The following DPP10 variants were observed in gnomAD, a reference collection of about 807,000 sequenced individuals.
DPP10 encodes inactive dipeptidyl peptidase 10.
DPP10 carries 33 observed loss-of-function variants against 120.9 expected under a neutral mutation model. That is an observed-to-expected ratio of 0.27 (90% CI 0.21 to 0.37). The LOEUF is 0.37. DPP10 is among the 10% of genes least tolerant of loss of function. DPP10 has a pLI of 1.00. For synonymous variants in DPP10, 337 were observed against 326.1 expected, an observed-to-expected ratio of 1.03 and a Z score of -0.36; for missense variants, 816 against 942.8, an observed-to-expected ratio of 0.87 and a Z score of 1.76.
intron 1 of DPP10, among the ~76,000 whole-genome samples, chr2:114,606,704 A>C (rs949872168): frequency 1.3e-5 from 2 of 152,162 alleles, no homozygotes; most frequent in Non-Finnish European, 2.9e-5. Flanking sequence ...TGGGAAGCTT[A>C]GTATCTCACA....
rs115602799 is a variant in DPP10 at position 115,736,620 on chromosome 2, T to C, written c.698-3119T>C. Reference sequence around the variant, plus strand: ...GTGATGACAAAATGCTACACTGTCTTGATGGAAAGGTTTTCATATAATTCA... The same window carrying C: ...GTGATGACAAAATGCTACACTGTCTCGATGGAAAGGTTTTCATATAATTCA... On this transcript the variant is annotated intron_variant, in intron 8 of 25. Transcript: ENST00000410059. 3.6e-3 allele frequency among the ~76,000 whole-genome samples: 546 copies of C among 152,258 alleles called. 2 individuals are homozygous for C. The highest frequency in any genetic ancestry group is 0.01 in the African/African-American group (434 of 41,554).
chr2:114,564,056 C>T (rs138000338), intron 1 of DPP10, among the ~76,000 whole-genome samples: 159 of 152,228 alleles, frequency 1.0e-3, no homozygotes, highest in African/African-American at 3.7e-3. Context: ...TTCCAGCAAT[C>T]GATTCCTTTG....
At chr2:114,695,683 C>T (rs550238400) in intron 1 of DPP10, among the ~76,000 whole-genome samples, 2 of 152,084 alleles carry the variant, frequency 1.3e-5, no homozygotes, top group East Asian at 1.9e-4. Context: ...TTATTCTTAA[C>T]AGCATTTCTC....
chr2:115,286,647 G>A (rs1233617954), intron 1 of DPP10, among the ~76,000 whole-genome samples: 11 of 147,832 alleles, frequency 7.4e-5, no homozygotes, highest in African/African-American at 2.5e-4. Flanking sequence ...GTCGAGGAAG[G>A]AGGTAAGGGT....
At chr2:114,594,455 T>C (rs1691731388) in intron 1 of DPP10, among the ~76,000 whole-genome samples, 2 of 148,092 alleles carry the variant, frequency 1.4e-5, no homozygotes, top group South Asian at 4.2e-4. Context: ...TGTGAACACA[T>C]ACATATGTAA....
chr2:114,667,525 C>T (rs1464848679), intron 1 of DPP10, among the ~76,000 whole-genome samples: 1 of 152,082 alleles, frequency 6.6e-6, no homozygotes, highest in Non-Finnish European at 1.5e-5. Context: ...CTTAGCTCTA[C>T]AAAGGAAGAA....
intron 4 of DPP10, among the ~76,000 whole-genome samples, chr2:115,501,128 T>A (rs185049590): frequency 6.6e-6 from 1 of 152,172 alleles, no homozygotes; most frequent in Admixed American, 6.5e-5. Flanking sequence ...TTTATGGAGA[T>A]TCTAGGCCCT....
rs1008939302 is a variant in DPP10 at position 115,281,916 on chromosome 2, A to G, written c.61-27323A>G. Among the ~76,000 whole-genome samples the G allele has an allele frequency of 5.3e-5, 8 of 152,142 alleles. 1 individual carries two copies. The highest frequency in any genetic ancestry group is 8.8e-5 in the Non-Finnish European group (6 of 68,000). ...GAAATTTTAAAATAGTGACCCAAGAATAATCTTTAGTTTTAGTATTAATTT... is the reference window on the plus strand; with the variant it reads ...GAAATTTTAAAATAGTGACCCAAGAGTAATCTTTAGTTTTAGTATTAATTT... On this transcript the variant is annotated intron_variant, in intron 1 of 25. Transcript: ENST00000410059.
chr2:115,277,317 A>T (rs747586917), intron 1 of DPP10, among the ~76,000 whole-genome samples: 8 of 152,172 alleles, frequency 5.3e-5, no homozygotes, highest in Non-Finnish European at 8.8e-5. Context: ...AATGGCAATG[A>T]ATAACCTTAT....
intron 5 of DPP10, among the ~76,000 whole-genome samples, chr2:115,637,323 A>G (rs2086421969): frequency 1.3e-5 from 2 of 152,182 alleles, no homozygotes; most frequent in African/African-American, 4.8e-5. Context: ...GGAGTAAAGT[A>G]ACTGTATACT....
At chr2:115,666,486 G>C (rs1256471386) in intron 5 of DPP10, among the ~76,000 whole-genome samples, 1 of 152,044 alleles carries the variant, frequency 6.6e-6, no homozygotes, top group Admixed American at 6.6e-5. Flanking sequence ...TTAACACCTG[G>C]GGAATTGCAA....
intron 1 of DPP10, among the ~76,000 whole-genome samples, chr2:114,638,119 A>G (rs1362038989): frequency 1.3e-5 from 2 of 151,812 alleles, no homozygotes; most frequent in African/African-American, 2.4e-5. Context: ...TGAGCATGGA[A>G]TGTTTTCCAT....
intron 1 of DPP10, among the ~76,000 whole-genome samples, chr2:114,778,497 G>A (rs765424190): frequency 1.3e-5 from 2 of 152,002 alleles, no homozygotes; most frequent in Non-Finnish European, 2.9e-5. Flanking sequence ...GTAAACTTAA[G>A]TTTGCTTGGG....
At chr2:114,985,330 T>C (rs547828534) in intron 1 of DPP10, among the ~76,000 whole-genome samples, 2 of 152,290 alleles carry the variant, frequency 1.3e-5, no homozygotes, top group East Asian at 3.9e-4. Context: ...TGCTGATCAG[T>C]TATTTAAAAC....
chr2:114,841,767 G>T (rs1184607480), intron 1 of DPP10, among the ~76,000 whole-genome samples: 1 of 152,110 alleles, frequency 6.6e-6, no homozygotes, highest in Non-Finnish European at 1.5e-5. Flanking sequence ...GGAAAGCCAT[G>T]ATTGGGAGCT....
At chr2:115,160,773 C>G (rs1268799928) in intron 1 of DPP10, among the ~76,000 whole-genome samples, 1 of 152,146 alleles carries the variant, frequency 6.6e-6, no homozygotes, top group East Asian at 1.9e-4. Flanking sequence ...TTCCTAAGAG[C>G]TACATTGACT....
chr2:114,534,909 C>T (rs1339585290), intron 1 of DPP10, among the ~76,000 whole-genome samples: 3 of 151,994 alleles, frequency 2.0e-5, no homozygotes, highest in African/African-American at 7.3e-5. Flanking sequence ...CTTCTGGGGC[C>T]CCTTGAGGAT....
chr2:114,477,840 T>G (rs1558794561), intron 1 of DPP10, among the ~76,000 whole-genome samples: 1 of 150,838 alleles, frequency 6.6e-6, no homozygotes, highest in Non-Finnish European at 1.5e-5. Flanking sequence ...TGTACATAAA[T>G]ATATGCATGT....
intron 1 of DPP10, among the ~76,000 whole-genome samples, chr2:115,141,240 A>G (rs1169990592): frequency 1.3e-5 from 2 of 152,202 alleles, no homozygotes; most frequent in Non-Finnish European, 2.9e-5. Flanking sequence ...TAAATCAGAG[A>G]GAACATCTCT....
Sources: gnomAD v4.1 joint callset for allele counts (sites outside exome capture counted in the v4.1 genomes callset) on GRCh38, gnomAD v4.1.1 for gene constraint, MANE v1.5 for transcripts, NCBI Gene and HGNC (gene_info 2026-07-23, HGNC 2026-07-21) for gene names.